EDARADD: variants seen among roughly 807,000 people sequenced by gnomAD.
EDARADD encodes the protein EDAR associated via death domain.
A neutral mutation model predicts 25.6 loss-of-function variants in EDARADD; 20 were observed. The ratio of observed to expected loss-of-function variants is 0.78; its 90% confidence interval spans 0.55 to 1.14. The LOEUF (loss-of-function observed/expected upper bound fraction) is 1.14. Among genes scored for constraint, EDARADD ranks in the 50% most tolerant of loss-of-function variants. The probability of loss-of-function intolerance (pLI) is 0.00; values close to 1 mark genes in which losing one functional copy is unlikely to be tolerated. For synonymous variants in EDARADD, 86 were observed against 94.4 expected (o/e 0.91, Z 0.52); for missense variants, 225 against 270.1 (o/e 0.83, Z 1.17).
At position 236,362,987 on chromosome 1, in the gene EDARADD, G is replaced by GAAAAAAAAAAAAAAAA. The variant is rs577963160; in HGVS notation, c.-6+12153_-6+12168dup. 4.1e-4 allele frequency among the ~76,000 whole-genome samples: 12 copies of GAAAAAAAAAAAAAAAA among 29,564 alleles called. 4 individuals carry two copies. Among genetic ancestry groups the GAAAAAAAAAAAAAAAA allele is most frequent in the Admixed American group, 1.5e-3 (2 of 1,302 alleles). 19.4% of individuals were successfully genotyped at this position (29,564 alleles called of 152,430 possible). On this transcript the variant is annotated intron_variant, in intron 3 of 7. Coordinates refer to the EDARADD transcript ENST00000439430. ...TCAAGACTCTGTCTTCTTTTTTTAA[G>GAAAAAAAAAAAAAAAA]AAAAAAAAAAAAAAAAAAAATATAT...
intron 2 of EDARADD, among the ~76,000 whole-genome samples, chr1:236,410,325 T>A (rs922625053): frequency 1.1e-4 from 16 of 151,410 alleles, no homozygotes; most frequent in African/African-American, 3.1e-4. Context: ...TAGCTCCCAC[T>A]TATAAGTGAG....
intron 4 of EDARADD, among the ~76,000 whole-genome samples, chr1:236,456,069 G>A (rs113163931): frequency 4.6e-5 from 7 of 152,166 alleles, no homozygotes; most frequent in African/African-American, 1.2e-4. Context: ...GATTATAGGC[G>A]TGAGCCACCG....
chr1:236,408,524 C>T (rs1025508194), intron 1 of EDARADD, among the ~76,000 whole-genome samples: 4 of 151,904 alleles, frequency 2.6e-5, no homozygotes, highest in African/African-American at 4.8e-5. Flanking sequence ...TTTTATTAAT[C>T]TATTTCTTGA....
intron 4 of EDARADD, among the ~76,000 whole-genome samples, chr1:236,445,704 A>G (rs764928951): frequency 6.6e-6 from 1 of 152,214 alleles, no homozygotes; most frequent in Non-Finnish European, 1.5e-5. Context: ...AAGTCACATG[A>G]CAGTCTTCAT....
chr1:236,435,154 G>A lies in EDARADD; in HGVS notation c.219+7704G>A, dbSNP rs138899180. 5.6e-3 allele frequency among the ~76,000 whole-genome samples: 855 copies of A among 152,260 alleles called. 12 individuals are homozygous for A. The highest frequency in any genetic ancestry group is 0.02 in the African/African-American group (820 of 41,548). On this transcript the variant is annotated intron_variant, in intron 4 of 5. Transcript: ENST00000334232. ...ATGGATGAGACTGTCAAGGAAAATC[G>A]TCCTTATAGGAAAGCGGAGAGGTTA...
chr1:236,374,977 T>C (rs1023419348), intron 3 of EDARADD, among the ~76,000 whole-genome samples: 1 of 151,776 alleles, frequency 6.6e-6, no homozygotes, highest in African/African-American at 2.4e-5. Context: ...GTTCCTATTT[T>C]TGTCTTCTAC....
chr1:236,474,652 C>T (rs904187908), intron 5 of EDARADD, among the ~76,000 whole-genome samples: 1 of 152,208 alleles, frequency 6.6e-6, no homozygotes, highest in African/African-American at 2.4e-5. Flanking sequence ...CATTCTTTCT[C>T]CTTTAATAGA....
At chr1:236,456,367 C>T (rs142644501) in intron 4 of EDARADD, among the ~76,000 whole-genome samples, 105 of 152,348 alleles carry the variant, frequency 6.9e-4, no homozygotes, top group African/African-American at 2.4e-3. Context: ...GAATAACTCA[C>T]TGACCGCTAG....
At position 236,394,383 on chromosome 1, in the gene EDARADD, G is replaced by A. The variant is rs1572124967; in HGVS notation, c.-62G>A. The A allele has an allele frequency of 4.5e-6, 7 of 1,572,754 alleles. No homozygotes were observed. Among genetic ancestry groups the A allele is most frequent in the Non-Finnish European group, 6.1e-6 (7 of 1,142,654 alleles). On this transcript the variant is annotated 5_prime_UTR_variant, in exon 1 of 6. Transcript: ENST00000334232. The stretch of plus-strand genomic sequence containing the variant: ...CCAGACAACCAGCGAGCATCTTCTC[G>A]CAATCTGTTGCTTCTTCCATGGCAA...
At chr1:236,434,506 T>C (rs1476764821) in intron 4 of EDARADD, among the ~76,000 whole-genome samples, 2 of 152,134 alleles carry the variant, frequency 1.3e-5, no homozygotes, top group Non-Finnish European at 1.5e-5. Flanking sequence ...TCCCAAAGTG[T>C]TAGGATTATA....
chr1:236,384,480 T>A (rs1348748055), intron 3 of EDARADD, among the ~76,000 whole-genome samples: 2 of 152,188 alleles, frequency 1.3e-5, no homozygotes, highest in Non-Finnish European at 1.5e-5. Flanking sequence ...AGTCTCAAAC[T>A]CTTGAGCTCA....
At chr1:236,444,641 C>G (rs1279192917) in intron 4 of EDARADD, among the ~76,000 whole-genome samples, 2 of 152,194 alleles carry the variant, frequency 1.3e-5, no homozygotes, top group Non-Finnish European at 2.9e-5. Flanking sequence ...AGAGGCTGGT[C>G]TTGAACTCCT....
intron 4 of EDARADD, among the ~76,000 whole-genome samples, chr1:236,444,358 A>C (rs1658477851): frequency 1.3e-5 from 2 of 152,162 alleles, no homozygotes. Context: ...TTACACATCG[A>C]GATCCAGAGA....
At chr1:236,438,118 C>G (rs200789871) in intron 4 of EDARADD, among the ~76,000 whole-genome samples, 1 of 151,450 alleles carries the variant, frequency 6.6e-6, no homozygotes, top group Non-Finnish European at 1.5e-5. Context: ...AGTTTTCCCT[C>G]TTTGTCTGTC....
At chr1:236,455,311 C>T (rs1186175683) in intron 4 of EDARADD, among the ~76,000 whole-genome samples, 1 of 152,068 alleles carries the variant, frequency 6.6e-6, no homozygotes, top group African/African-American at 2.4e-5. Flanking sequence ...CTCTGCAGAC[C>T]CGAAGTCATT....
intron 1 of EDARADD, among the ~76,000 whole-genome samples, chr1:236,400,650 G>T (rs539168063): frequency 3.4e-4 from 52 of 151,726 alleles, no homozygotes; most frequent in African/African-American, 1.0e-3. Flanking sequence ...CATCTCCTGG[G>T]CTCAAGCAAT....
chr1:236,366,770 C>T (rs72753307), intron 3 of EDARADD, among the ~76,000 whole-genome samples: 4 of 133,076 alleles, frequency 3.0e-5, no homozygotes, highest in Non-Finnish European at 4.9e-5. Flanking sequence ...GATCATTTTT[C>T]ACCTTTGCTT....
chr1:236,429,193 A>AGGGAGAGGGAGAGGGAGAGGGAGC (rs201819535), intron 4 of EDARADD, among the ~76,000 whole-genome samples: 2 of 143,600 alleles, frequency 1.4e-5, no homozygotes, highest in African/African-American at 2.6e-5. Context: ...GCAGAGGGAG[A>AGGGAGAGGGAGAGGGAGAGGGAGC]GGGAGCGGGA....
At chr1:236,453,704 G>C (rs1006190042) in intron 4 of EDARADD, among the ~76,000 whole-genome samples, 2 of 152,174 alleles carry the variant, frequency 1.3e-5, no homozygotes, top group Admixed American at 6.5e-5. Flanking sequence ...GGAGCAATAG[G>C]CTTTACCACC....
Sources: gnomAD v4.1 joint callset for allele counts (sites outside exome capture counted in the v4.1 genomes callset) on GRCh38, gnomAD v4.1.1 for gene constraint, MANE v1.5 for transcripts, NCBI Gene and HGNC (gene_info 2026-07-23, HGNC 2026-07-21) for gene names.